The following CEP78 variants were observed in gnomAD, a reference collection of about 807,000 sequenced individuals.
CEP78 encodes centrosomal protein of 78 kDa.
A neutral mutation model predicts 81.2 loss-of-function variants in CEP78; 76 were observed. That is an observed-to-expected ratio of 0.94 (90% CI 0.78 to 1.13). The LOEUF (loss-of-function observed/expected upper bound fraction) is 1.13, where lower values mean the gene tolerates loss of function less well. Ranked by LOEUF, CEP78 falls within the 50% of genes most tolerant of loss-of-function variation. The pLI is 0.00. For missense variants in CEP78, 918 were observed against 846.8 expected (o/e 1.08, Z -1.04); for synonymous variants, 293 against 301.4 (o/e 0.97, Z 0.29).
chr9:78,254,760 A>T (rs1826933180), intron 10 of CEP78, 76 bp from the exon 11 acceptor site: 6 of 1,194,564 alleles, frequency 5.0e-6, no homozygotes, highest in Non-Finnish European at 7.1e-6. Context: ...CTTCAGAAAG[A>T]TCACTTTGAT....
intron 4 of CEP78, 147 bp from the exon 5 acceptor site, chr9:78,243,315 A>G (rs1826316887): frequency 1.4e-5 from 8 of 560,938 alleles, no homozygotes; most frequent in Non-Finnish European, 2.4e-5. Flanking sequence ...AAAATCTACT[A>G]TTTAATCAGT....
chr9:78,264,744 T>C (rs572091976), intron 13 of CEP78, among the ~76,000 whole-genome samples: 65 of 152,278 alleles, frequency 4.3e-4, no homozygotes, highest in Non-Finnish European at 8.8e-4. Context: ...ATTGAAAGTA[T>C]TCAGGAATGT....
At chr9:78,262,711 A>G (rs1827329381) in intron 11 of CEP78, among the ~76,000 whole-genome samples, 196 bp from the exon 12 acceptor site, 1 of 152,060 alleles carries the variant, frequency 6.6e-6, no homozygotes, top group Admixed American at 6.6e-5. Flanking sequence ...ATAAATCTGT[A>G]ATGTGCGAAT....
intron 1 of CEP78, among the ~76,000 whole-genome samples, chr9:78,237,207 C>T (rs1044329475): frequency 5.3e-5 from 8 of 151,946 alleles, no homozygotes; most frequent in African/African-American, 1.7e-4. Flanking sequence ...TCTCGAACTC[C>T]TGACCTCAGG....
chr9:78,267,079 G>T, intron 16 of CEP78: 1 of 1,069,900 alleles, frequency 9.3e-7, no homozygotes, highest in South Asian at 1.4e-5. Flanking sequence ...TATGGCATAT[G>T]GTGTCTTAAA....
chr9:78,245,364 A>G (rs1337955871), intron 5 of CEP78, among the ~76,000 whole-genome samples: 1 of 152,122 alleles, frequency 6.6e-6, no homozygotes, highest in Admixed American at 6.5e-5. Context: ...GAAGGCTTTT[A>G]TATCCTTAAA....
chr9:78,243,548 A>G lies in CEP78; in HGVS notation c.690A>G (p.Arg230=). The G allele has an allele frequency of 1.2e-6, 2 of 1,613,868 alleles. No homozygotes were observed. Among genetic ancestry groups the G allele is most frequent in the Non-Finnish European group, 1.7e-6 (2 of 1,179,812 alleles). ...ATCTTGACTGTATGGCTGGCTTAAG[A>G]CGTATCACACTGAATTGCAACACAC... The part of the protein sequence containing the change: ...RPDLDCMAGL[R]RITLNCNTLI... The change falls in exon 5 of 17, where the codon AGA becomes AGG. Residue 230 remains arginine, a synonymous_variant. Coordinates refer to ENST00000643273, the MANE Select transcript of CEP78 (RefSeq NM_001330691.3).
At chr9:78,262,808 G>T (rs1827333280) in intron 11 of CEP78, 99 bp from the exon 12 acceptor site, 2 of 610,594 alleles carry the variant, frequency 3.3e-6, no homozygotes. Flanking sequence ...GTTCACTTCT[G>T]GCTCTGTCCC....
At position 78,265,885 on chromosome 9, in the gene CEP78, C is replaced by A; in HGVS notation, c.1824C>A (p.Tyr608Ter). 1 of 1,398,464 alleles carries A rather than the reference C, an allele frequency of 7.2e-7. No homozygotes were observed. The highest frequency in any genetic ancestry group is 9.9e-7 in the Non-Finnish European group (1 of 1,007,166). The allele number at this position is 1,398,464 out of a possible 1,614,324, so 86.6% of individuals were successfully genotyped here. The stretch of plus-strand genomic sequence containing the variant: ...TTTCTATTTGTATGCAGTCAGCTTA[C>A]AATGAAGGAACACTAATGAAGGTAC... ...IQVSICMQSA[Y>*]NEGTLMKFQK... is the part of the protein sequence containing the mutation. Residue 608 changes from tyrosine to a stop codon, truncating the protein, a stop_gained, in exon 15 of 17, where the codon TAC becomes TAA. Coordinates refer to ENST00000643273, the MANE Select transcript of CEP78 (RefSeq NM_001330691.3). LOFTEE classifies it high-confidence loss of function.
At position 78,265,642 on chromosome 9, in the gene CEP78, C is replaced by T. The variant is rs540553344; in HGVS notation, c.1797+99C>T. 5.3e-4 allele frequency: 612 copies of T among 1,154,110 alleles called. 1 individual carries two copies. The African/African-American group carries it at 8.6e-3, about 16-fold the overall frequency. The allele number at this position is 1,154,110 out of a possible 1,614,324, so 71.5% of individuals were successfully genotyped here. A position where few individuals can be genotyped will look rare whatever the true frequency, so the allele number is the denominator to read the frequency against. On this transcript the variant is annotated intron_variant, in intron 14 of 16. Coordinates refer to ENST00000643273, the MANE Select transcript of CEP78 (RefSeq NM_001330691.3). ...AAGAATAATGATCTGTGCACATGCT[C>T]AGGGACCAGAAGCATCTTTGGGGTC...
Position 78,254,843 on chromosome 9 carries a change from G to A in CEP78, c.1259G>A (p.Gly420Asp), listed in dbSNP as rs752925558. 14 of 1,607,074 alleles carry A rather than the reference G, an allele frequency of 8.7e-6. No individual in the cohort carries two copies. The highest frequency in any genetic ancestry group is 8.5e-7 in the Non-Finnish European group (1 of 1,176,544). The part of the protein sequence containing the change: ...RDICNQLQQP[G>D]FPVTVTVESP... Reference sequence around the variant, plus strand: ...TTGTCCTCTTTTTTTAAGCAACCAGGTTTTCCTGTGACTGTGACAGTAGAG... The same window carrying A: ...TTGTCCTCTTTTTTTAAGCAACCAGATTTTCCTGTGACTGTGACAGTAGAG... The change falls in exon 11 of 17, where the codon GGT (glycine) becomes GAT (aspartate). Residue 420 changes from glycine to aspartate, a missense_variant. Coordinates refer to ENST00000643273, the MANE Select transcript of CEP78 (RefSeq NM_001330691.3).
Position 78,252,225 on chromosome 9 carries a change from A to G in CEP78, c.1205+182A>G, listed in dbSNP as rs143315095. Among the ~76,000 whole-genome samples, 413 of 152,292 alleles carry G rather than the reference A, an allele frequency of 2.7e-3. 5 individuals carry two copies. Among genetic ancestry groups the G allele is most frequent in the African/African-American group, 9.5e-3 (393 of 41,562 alleles). ...AAAAATAATCCTAAGTAGGGTTTCA[A>G]GTTATTAAGTGTCACAGCAAGCTGT... is the stretch of plus-strand genomic sequence containing the variant. On this transcript the variant is annotated intron_variant, in intron 9 of 16. Coordinates refer to ENST00000643273, the MANE Select transcript of CEP78 (RefSeq NM_001330691.3).
chr9:78,243,700 C>A, intron 5 of CEP78, 64 bp downstream of exon 5: 1 of 1,352,818 alleles, frequency 7.4e-7, no homozygotes, highest in Non-Finnish European at 1.0e-6. Flanking sequence ...ATGCTTAACT[C>A]TTGGCACAGT....
At chr9:78,263,740 G>T (rs1242776245) in intron 12 of CEP78, among the ~76,000 whole-genome samples, 3 of 152,068 alleles carry the variant, frequency 2.0e-5, no homozygotes, top group Non-Finnish European at 2.9e-5. Flanking sequence ...AGTAAATTGG[G>T]TATGATTTAG....
At position 78,236,109 on chromosome 9, in the gene CEP78, C is replaced by T. The variant is rs1438622715; in HGVS notation, c.-242C>T. On this transcript the variant is annotated 5_prime_UTR_variant, in exon 1 of 17. Coordinates refer to ENST00000643273, the MANE Select transcript of CEP78 (RefSeq NM_001330691.3). ...CCCGGCGCCTCAGAGGACTATGAGG[C>T]GGGCGCCAACTGCTTGGGCCGCAGG... The T allele has an allele frequency of 7.6e-6, 4 of 527,812 alleles. No homozygotes were observed. Among genetic ancestry groups the T allele is most frequent in the Admixed American group, 3.8e-5 (1 of 26,158 alleles). 32.7% of individuals were successfully genotyped at this position (527,812 alleles called of 1,614,324 possible). A position where few individuals can be genotyped will look rare whatever the true frequency, so the allele number is the denominator to read the frequency against.
chr9:78,241,358 G>A (rs529268117), intron 3 of CEP78, among the ~76,000 whole-genome samples: 1 of 152,260 alleles, frequency 6.6e-6, no homozygotes, highest in Non-Finnish European at 1.5e-5. Flanking sequence ...TCTGCTCTTG[G>A]AAATGAAAAT....
chr9:78,248,489 C>A, intron 7 of CEP78, 134 bp downstream of exon 7: 1 of 669,456 alleles, frequency 1.5e-6, no homozygotes, highest in South Asian at 1.8e-5. Context: ...TCCTAGGTAG[C>A]TAGGACTGTA....
intron 5 of CEP78, among the ~76,000 whole-genome samples, chr9:78,244,456 A>G (rs951734501): frequency 6.6e-6 from 1 of 152,198 alleles, no homozygotes; most frequent in Non-Finnish European, 1.5e-5. Context: ...ATAAATTACT[A>G]AAGTTGAGTA....
chr9:78,239,947 C>A, intron 1 of CEP78, 76 bp from the exon 2 acceptor site: 1 of 1,276,870 alleles, frequency 7.8e-7, no homozygotes, highest in Non-Finnish European at 1.1e-6. Context: ...ATTTCTATGT[C>A]TTAGCACAGA....
Sources: gnomAD v4.1 joint callset for allele counts (sites outside exome capture counted in the v4.1 genomes callset) on GRCh38, gnomAD v4.1.1 for gene constraint, MANE v1.5 for transcripts, NCBI Gene and HGNC (gene_info 2026-07-23, HGNC 2026-07-21) for gene names.